FAM117A: variants seen among roughly 807,000 people sequenced by gnomAD.
FAM117A encodes family with sequence similarity 117 member A.
Under a neutral mutation model 44.1 loss-of-function variants are expected in FAM117A, and 21 were observed. The observed-to-expected ratio is 0.48, with a 90% CI of 0.34 to 0.69. The LOEUF (loss-of-function observed/expected upper bound fraction) is 0.69. Among genes scored for constraint, FAM117A ranks in the 30% least tolerant of loss-of-function variants. The pLI, the probability that FAM117A is intolerant of heterozygous loss-of-function variation, is 0.01. For synonymous variants in FAM117A, 220 were observed against 238.3 expected (o/e 0.92, Z 0.71); for missense variants, 498 against 589.9 (o/e 0.84, Z 1.61).
Position 49,713,864 on chromosome 17 carries a change from G to A in FAM117A, c.1061+2301C>T, listed in dbSNP as rs554520834. Among the ~76,000 whole-genome samples the A allele has an allele frequency of 7.2e-5, 11 of 152,242 alleles. No individual in the cohort carries two copies. In the South Asian group the frequency reaches 2.3e-3, roughly 32 times the overall value. ...CTAGAGCCCAGGAAGAGCAAGGTGT[G>A]AAGAGAAGAGCAGAGACCTGGCACA... On this transcript the variant is annotated intron_variant, in intron 7 of 7. Coordinates refer to ENST00000240364, the MANE Select transcript of FAM117A (RefSeq NM_030802.4).
chr17:49,786,210 C>G (rs1567841104), intron 1 of FAM117A, among the ~76,000 whole-genome samples: 1 of 152,072 alleles, frequency 6.6e-6, no homozygotes. Context: ...AGGACAAGAA[C>G]CATATCTAAA....
intron 1 of FAM117A, among the ~76,000 whole-genome samples, chr17:49,758,081 C>A (rs1598033155): frequency 1.3e-5 from 2 of 152,188 alleles, no homozygotes; most frequent in Non-Finnish European, 2.9e-5. Flanking sequence ...GTAATCCCAG[C>A]ACTTTGGGTG....
At chr17:49,730,283 C>T (rs2073579169) in intron 2 of FAM117A, among the ~76,000 whole-genome samples, 1 of 152,200 alleles carries the variant, frequency 6.6e-6, no homozygotes, top group Non-Finnish European at 1.5e-5. Context: ...TTGGCCTTGC[C>T]AGACCCACGG....
intron 1 of FAM117A, among the ~76,000 whole-genome samples, chr17:49,742,731 A>C (rs899670734): frequency 6.6e-6 from 1 of 152,196 alleles, no homozygotes; most frequent in African/African-American, 2.4e-5. Flanking sequence ...AACTCAAAGG[A>C]CAGGCATAAA....
intron 3 of FAM117A, among the ~76,000 whole-genome samples, 175 bp from the exon 4 acceptor site, chr17:49,720,611 C>T (rs1016207108): frequency 1.3e-5 from 2 of 152,250 alleles, no homozygotes; most frequent in African/African-American, 4.8e-5. Flanking sequence ...ATGATCTGTT[C>T]CTCAGACGAG....
intron 1 of FAM117A, among the ~76,000 whole-genome samples, chr17:49,758,154 C>A (rs1239101164): frequency 1.3e-5 from 2 of 149,916 alleles, no homozygotes; most frequent in South Asian, 2.1e-4. Context: ...CATGGTGAAA[C>A]CCCCGTCTCT....
At chr17:49,721,641 C>T (rs534583679) in intron 3 of FAM117A, among the ~76,000 whole-genome samples, 2 of 152,212 alleles carry the variant, frequency 1.3e-5, no homozygotes, top group African/African-American at 4.8e-5. Flanking sequence ...TCAGAAGCTG[C>T]CACACAGCAT....
intron 1 of FAM117A, 21 bp from the exon 2 acceptor site, chr17:49,732,741 C>A: frequency 1.2e-6 from 2 of 1,607,398 alleles, no homozygotes; most frequent in Admixed American, 1.7e-5. Flanking sequence ...ACACAGCCCG[C>A]ACGCCTTGCC....
chr17:49,739,907 C>A (rs532187157), intron 1 of FAM117A, among the ~76,000 whole-genome samples: 1 of 152,216 alleles, frequency 6.6e-6, no homozygotes, highest in Non-Finnish European at 1.5e-5. Context: ...TGGTGAAGCA[C>A]CCTGGCACCA....
At chr17:49,731,583 C>T (rs981796984) in intron 2 of FAM117A, among the ~76,000 whole-genome samples, 4 of 152,152 alleles carry the variant, frequency 2.6e-5, no homozygotes, top group Non-Finnish European at 5.9e-5. Flanking sequence ...GAAGCTGGCT[C>T]CCCAGTCCTT....
chr17:49,771,373 G>T (rs970516989), intron 1 of FAM117A, among the ~76,000 whole-genome samples: 2 of 152,134 alleles, frequency 1.3e-5, no homozygotes, highest in Non-Finnish European at 2.9e-5. Flanking sequence ...CTTTTCAGGG[G>T]AATGTCTTAG....
At chr17:49,722,013 C>A (rs1004908868) in intron 3 of FAM117A, among the ~76,000 whole-genome samples, 1 of 152,028 alleles carries the variant, frequency 6.6e-6, no homozygotes, top group Admixed American at 6.6e-5. Context: ...GCAGGAGAAT[C>A]GCTTGAACCC....
intron 1 of FAM117A, among the ~76,000 whole-genome samples, chr17:49,748,842 A>G (rs1282081766): frequency 1.3e-5 from 2 of 152,202 alleles, no homozygotes; most frequent in Non-Finnish European, 2.9e-5. Flanking sequence ...GAATAATTCA[A>G]GGGCCTTCAA....
rs76727822 is a variant in FAM117A at position 49,738,742 on chromosome 17, C to A, written c.197-6022G>T. Among the ~76,000 whole-genome samples, 84 of 152,246 alleles carry A rather than the reference C, an allele frequency of 5.5e-4. No individual in the cohort carries two copies. The East Asian group carries it at 0.015, about 27-fold the overall frequency. ...TCTCCAAATTCTTGGCATGTCCCAG[C>A]TCTTTTGAGGAGACGAAAATACCAT... On this transcript the variant is annotated intron_variant, in intron 1 of 7. Coordinates refer to ENST00000240364, the MANE Select transcript of FAM117A (RefSeq NM_030802.4).
chr17:49,757,094 C>A (rs1460237718), intron 1 of FAM117A, among the ~76,000 whole-genome samples: 4 of 152,066 alleles, frequency 2.6e-5, no homozygotes, highest in Admixed American at 6.6e-5. Context: ...CCGAGTCTTC[C>A]CAGGCCTCCC....
At chr17:49,722,440 G>A in intron 3 of FAM117A, 59 bp downstream of exon 3, 1 of 1,379,824 alleles carries the variant, frequency 7.2e-7, no homozygotes, top group Non-Finnish European at 1.0e-6. Flanking sequence ...GCATTGCATG[G>A]TACTAGGGGA....
chr17:49,780,765 A>C (rs1192059477), intron 1 of FAM117A, among the ~76,000 whole-genome samples: 1 of 152,120 alleles, frequency 6.6e-6, no homozygotes, highest in Non-Finnish European at 1.5e-5. Context: ...TCACCACTAG[A>C]TGTAATTGGG....
chr17:49,734,484 C>T (rs879833793), intron 1 of FAM117A, among the ~76,000 whole-genome samples: 5 of 151,428 alleles, frequency 3.3e-5, no homozygotes, highest in Admixed American at 6.6e-5. Flanking sequence ...CCCAGCTACT[C>T]GGGAGGCTGA....
chr17:49,765,804 C>G (rs1318442710), upstream of FAM117A: 1 of 152,136 alleles, frequency 6.6e-6, no homozygotes, highest in East Asian at 1.9e-4. Context: ...AGATATCTTG[C>G]ATTTATATTG....
Sources: gnomAD v4.1 joint callset for allele counts (sites outside exome capture counted in the v4.1 genomes callset) on GRCh38, gnomAD v4.1.1 for gene constraint, MANE v1.5 for transcripts, NCBI Gene and HGNC (gene_info 2026-07-23, HGNC 2026-07-21) for gene names.